Variants in TDP1 observed in about 807,000 individuals in gnomAD.
TDP1 encodes tyrosyl-DNA phosphodiesterase 1, also known as tyr-DNA phosphodiesterase 1.
A neutral mutation model predicts 81.5 loss-of-function variants in TDP1; 64 were observed. The observed-to-expected ratio is 0.79, with a 90% CI of 0.64 to 0.97. The LOEUF (loss-of-function observed/expected upper bound fraction) is 0.97. Among genes scored for constraint, TDP1 ranks in the 50% least tolerant of loss-of-function variants. TDP1 has a pLI of 0.00. For missense variants in TDP1, 723 were observed against 743.8 expected (o/e 0.97, Z 0.33); for synonymous variants, 256 against 264.3 (o/e 0.97, Z 0.30).
chr14:89,979,452 G>A (rs1251746456), intron 7 of TDP1, among the ~76,000 whole-genome samples: 2 of 151,962 alleles, frequency 1.3e-5, no homozygotes, highest in Admixed American at 6.6e-5. Context: ...TGTGATTACA[G>A]GTGCCCACGA....
In TDP1 at chr14:90,043,290, GGTT is replaced by G. The variant is rs202066279; in HGVS notation, c.*148_*150del. The G allele has an allele frequency of 9.5e-4, 835 of 879,740 alleles. 8 individuals carry two copies. In the East Asian group the frequency reaches 0.018, roughly 19 times the overall value. The allele number at this position is 879,740 out of a possible 1,614,324, so 54.5% of individuals were successfully genotyped here. ...AAGGTCACTCTTATGAATGGATGTT[GGTT>G]ATACTTTTAATGGACATTAACATTC... On this transcript the variant is annotated 3_prime_UTR_variant, in exon 17 of 17. Transcript: ENST00000335725.
intron 14 of TDP1, among the ~76,000 whole-genome samples, chr14:89,999,599 C>A (rs1897018188): frequency 6.6e-6 from 1 of 152,108 alleles, no homozygotes; most frequent in South Asian, 2.1e-4. Context: ...AAAACAAATT[C>A]CCCAGAAAAA....
chr14:90,010,152 G>A (rs945656005), intron 14 of TDP1, among the ~76,000 whole-genome samples: 1 of 152,180 alleles, frequency 6.6e-6, no homozygotes, highest in African/African-American at 2.4e-5. Context: ...ACTTTATTTT[G>A]TCAAAAGACA....
intron 14 of TDP1, among the ~76,000 whole-genome samples, chr14:89,999,699 A>G (rs1165777946): frequency 6.6e-6 from 1 of 152,210 alleles, no homozygotes; most frequent in African/African-American, 2.4e-5. Context: ...CTAGAGCTGC[A>G]TATCCAAAAA....
intron 5 of TDP1, among the ~76,000 whole-genome samples, chr14:89,968,410 G>T (rs1333848111): frequency 6.6e-6 from 1 of 152,112 alleles, no homozygotes; most frequent in African/African-American, 2.4e-5. Context: ...GGCAGCTAGA[G>T]CTCCAGCTTA....
intron 2 of TDP1, among the ~76,000 whole-genome samples, chr14:89,961,223 A>G (rs551207306): frequency 1.3e-5 from 2 of 152,312 alleles, no homozygotes; most frequent in South Asian, 4.1e-4. Flanking sequence ...TCAAAAGGTG[A>G]AGGAGAGACA....
chr14:89,975,657 T>A (rs1894220618), intron 6 of TDP1, 124 bp from the exon 7 acceptor site: 1 of 995,586 alleles, frequency 1.0e-6, no homozygotes, highest in African/African-American at 1.6e-5. Context: ...AGGGCTTGCC[T>A]GGTAGAGATC....
At chr14:89,998,086 G>A (rs1219712883) in intron 14 of TDP1, among the ~76,000 whole-genome samples, 2 of 151,866 alleles carry the variant, frequency 1.3e-5, no homozygotes, top group East Asian at 3.9e-4. Context: ...ATGTAGTTCA[G>A]TATTTGGATT....
chr14:89,971,155 T>A lies in TDP1; in HGVS notation c.660-20T>A. 6.2e-7 allele frequency: 1 copy of A among 1,604,524 alleles called. No homozygotes were observed. The highest frequency in any genetic ancestry group is 8.5e-7 in the Non-Finnish European group (1 of 1,171,734). ...CTGGCCATGAATGATGTATATTAAA[T>A]ACTAATGCTCTCTTTTTAGGAAGAA... On this transcript the variant is annotated intron_variant, in intron 5 of 16. Transcript: ENST00000335725.
intron 8 of TDP1, chr14:89,984,243 G>A (rs1226147874): frequency 5.1e-6 from 5 of 985,312 alleles, no homozygotes; most frequent in Non-Finnish European, 6.0e-6. Flanking sequence ...GCAAGTGAGA[G>A]GGAGCATGGA....
chr14:89,957,818 A>G (rs1566835493), intron 2 of TDP1, among the ~76,000 whole-genome samples: 1 of 152,212 alleles, frequency 6.6e-6, no homozygotes, highest in Non-Finnish European at 1.5e-5. Context: ...AGTTTGCTTT[A>G]TTCTCTTAAC....
intron 14 of TDP1, among the ~76,000 whole-genome samples, chr14:90,005,964 G>C (rs1239239471): frequency 1.3e-5 from 2 of 152,178 alleles, no homozygotes; most frequent in East Asian, 1.9e-4. Context: ...AATTCCATCT[G>C]TGGGATCAAG....
chr14:89,966,866 T>G, intron 4 of TDP1: 1 of 453,436 alleles, frequency 2.2e-6, no homozygotes, highest in Non-Finnish European at 2.9e-6. Flanking sequence ...AGAACTTGCA[T>G]TTAAGATGTA....
At position 89,993,380 on chromosome 14, in the gene TDP1, T is replaced by G. The variant is rs1321560611; in HGVS notation, c.1438T>G (p.Trp480Gly). 1.2e-6 allele frequency: 2 copies of G among 1,612,812 alleles called. No homozygotes were observed. The highest frequency in any genetic ancestry group is 1.3e-5 in the African/African-American group (1 of 74,892). ...QNWLHSYFHK[W>G]SAETSGRSNA... ...TTTTGTCTTTTCTGTCACTAGCAAATGGTCAGCTGAGACTTCTGGCCGCAG... is the reference window on the plus strand; with the variant it reads ...TTTTGTCTTTTCTGTCACTAGCAAAGGGTCAGCTGAGACTTCTGGCCGCAG... The change falls in exon 14 of 17, where the codon TGG (tryptophan) becomes GGG (glycine). Residue 480 changes from tryptophan (W) to glycine (G), a missense_variant. Physicochemically the swap from Trp to Gly is radical, Grantham distance 184. Transcript: ENST00000335725.
intron 15 of TDP1, among the ~76,000 whole-genome samples, chr14:90,029,572 C>T (rs1490378685): frequency 6.7e-6 from 1 of 149,554 alleles, no homozygotes; most frequent in Non-Finnish European, 1.5e-5. Flanking sequence ...GATCTCGGCT[C>T]AGTGCAACCT....
chr14:89,983,425 G>A (rs569553089), intron 8 of TDP1: 6 of 205,994 alleles, frequency 2.9e-5, no homozygotes, highest in African/African-American at 1.2e-4. Flanking sequence ...GAAGATGTAC[G>A]GCCGAGAGTC....
At chr14:90,011,906 T>C (rs2140228430) in intron 14 of TDP1, among the ~76,000 whole-genome samples, 2 of 152,286 alleles carry the variant, frequency 1.3e-5, no homozygotes, top group South Asian at 4.1e-4. Context: ...GCATAAGTAA[T>C]GAGGAGCCAA....
chr14:89,968,160 C>CT (rs61587248), intron 5 of TDP1, among the ~76,000 whole-genome samples: 7,462 of 127,720 alleles, frequency 0.058, 230 homozygotes, highest in African/African-American at 0.089. Context: ...GCACTTGGGG[C>CT]TTTTTTTTTT....
chr14:89,995,373 C>T (rs1896576540), intron 14 of TDP1, among the ~76,000 whole-genome samples: 1 of 146,748 alleles, frequency 6.8e-6, no homozygotes, highest in African/African-American at 2.8e-5. Context: ...AGGAGCACAC[C>T]TCTCCTCTAC....
Sources: gnomAD v4.1 joint callset for allele counts (sites outside exome capture counted in the v4.1 genomes callset) on GRCh38, gnomAD v4.1.1 for gene constraint, MANE v1.5 for transcripts, NCBI Gene and HGNC (gene_info 2026-07-23, HGNC 2026-07-21) for gene names.